Variants in SPECC1L observed in about 807,000 individuals in gnomAD.
The protein encoded by SPECC1L is cytospin-A.
SPECC1L carries 40 observed loss-of-function variants against 116.8 expected under a neutral mutation model. The ratio of observed to expected loss-of-function variants is 0.34; its 90% CI spans 0.27 to 0.45. The LOEUF (loss-of-function observed/expected upper bound fraction) is 0.45, where lower values mean the gene tolerates loss of function less well. SPECC1L is among the 20% of genes least tolerant of loss of function. The pLI is 1.00. For missense variants in SPECC1L, 1,110 were observed against 1,373.6 expected (o/e 0.81, Z 3.03); for synonymous variants, 504 against 500.6 (o/e 1.01, Z -0.09).
At chr22:24,389,554 CTT>C (rs989888323) in intron 14 of SPECC1L, among the ~76,000 whole-genome samples, 1 of 150,554 alleles carries the variant, frequency 6.6e-6, no homozygotes, top group Non-Finnish European at 1.5e-5. Context: ...CTATCTACCT[CTT>C]TGCTCTACTG....
At chr22:24,282,733 T>G (rs1423749739) in intron 2 of SPECC1L, among the ~76,000 whole-genome samples, 2 of 152,132 alleles carry the variant, frequency 1.3e-5, no homozygotes, top group African/African-American at 4.8e-5. Flanking sequence ...ATCATACAGC[T>G]TTTCTGTTTT....
intron 4 of SPECC1L, among the ~76,000 whole-genome samples, chr22:24,316,349 G>T (rs2146452242): frequency 6.6e-6 from 1 of 150,518 alleles, no homozygotes; most frequent in South Asian, 2.1e-4. Context: ...AGGGTCACAG[G>T]ACAATAGTGG....
At chr22:24,350,610 C>T (rs966904079) in intron 11 of SPECC1L, among the ~76,000 whole-genome samples, 2 of 152,174 alleles carry the variant, frequency 1.3e-5, no homozygotes, top group African/African-American at 2.4e-5. Flanking sequence ...TTTTGCTTAG[C>T]TGCCAGCAAA....
intron 13 of SPECC1L, among the ~76,000 whole-genome samples, chr22:24,366,946 C>A (rs2041780151): frequency 6.6e-6 from 1 of 152,148 alleles, no homozygotes; most frequent in African/African-American, 2.4e-5. Context: ...GTAATCCCAG[C>A]ACTCTGGGAG....
At chr22:24,326,651 A>G (rs962829237) in intron 6 of SPECC1L, among the ~76,000 whole-genome samples, 3 of 152,220 alleles carry the variant, frequency 2.0e-5, no homozygotes, top group Non-Finnish European at 2.9e-5. Flanking sequence ...GATGAAGATT[A>G]TATCTTTCCT....
chr22:24,347,233 C>A, intron 11 of SPECC1L, 57 bp downstream of exon 11: 1 of 1,347,334 alleles, frequency 7.4e-7, no homozygotes, highest in Non-Finnish European at 1.1e-6. Flanking sequence ...ATTGTTCTGG[C>A]TTTTTTGGCA....
chr22:24,320,907 G>A (rs2040708725), intron 4 of SPECC1L, among the ~76,000 whole-genome samples: 1 of 152,122 alleles, frequency 6.6e-6, no homozygotes. Context: ...GGCTAATCCT[G>A]GAGTCATCTT....
chr22:24,331,098 T>C (rs111828741), intron 8 of SPECC1L, among the ~76,000 whole-genome samples: 3,805 of 152,290 alleles, frequency 0.025, 156 homozygotes, highest in South Asian at 0.12. Context: ...ATAGACATCA[T>C]TGGAAACTGA....
chr22:24,274,139 A>G (rs921147292), intron 1 of SPECC1L, among the ~76,000 whole-genome samples: 20 of 152,248 alleles, frequency 1.3e-4, no homozygotes, highest in Non-Finnish European at 1.5e-4. Flanking sequence ...TTAGTACTGA[A>G]TAGACTAGAT....
chr22:24,391,621 C>T (rs758878736), intron 14 of SPECC1L, among the ~76,000 whole-genome samples: 1 of 152,132 alleles, frequency 6.6e-6, no homozygotes, highest in Non-Finnish European at 1.5e-5. Flanking sequence ...GCATTCAGGA[C>T]CGGTACATTT....
chr22:24,279,970 C>T (rs1418267914), intron 2 of SPECC1L, among the ~76,000 whole-genome samples: 1 of 152,210 alleles, frequency 6.6e-6, no homozygotes, highest in East Asian at 1.9e-4. Context: ...CCCCTCATCA[C>T]CTTTTTCTTC....
At chr22:24,279,111 T>C (rs1206292165) in intron 2 of SPECC1L, among the ~76,000 whole-genome samples, 4 of 152,220 alleles carry the variant, frequency 2.6e-5, no homozygotes, top group South Asian at 2.1e-4. Flanking sequence ...GAGTCTTGTT[T>C]TCTCCCTGAG....
chr22:24,354,663 G>A (rs551458637), intron 11 of SPECC1L, among the ~76,000 whole-genome samples: 15 of 151,150 alleles, frequency 9.9e-5, no homozygotes, highest in African/African-American at 3.6e-4. Flanking sequence ...AAGGAGTTCT[G>A]GTTACTCTTT....
At chr22:24,362,061 T>C (rs1413151176) in intron 11 of SPECC1L, among the ~76,000 whole-genome samples, 1 of 152,184 alleles carries the variant, frequency 6.6e-6, no homozygotes, top group Non-Finnish European at 1.5e-5. Context: ...GAGTCTTCAT[T>C]ACATACAAGG....
chr22:24,293,408 G>A (rs1182028910), intron 2 of SPECC1L, among the ~76,000 whole-genome samples: 5 of 152,070 alleles, frequency 3.3e-5, no homozygotes, highest in Non-Finnish European at 4.4e-5. Context: ...AGCCGAGGTC[G>A]TGCCACTGTA....
chr22:24,360,541 A>T (rs921747141), intron 11 of SPECC1L, among the ~76,000 whole-genome samples: 1 of 152,122 alleles, frequency 6.6e-6, no homozygotes, highest in African/African-American at 2.4e-5. Flanking sequence ...TGTATCAGCA[A>T]TACATTTCAT....
intron 11 of SPECC1L, among the ~76,000 whole-genome samples, chr22:24,349,989 C>T (rs5760356): frequency 0.17 from 25,612 of 152,144 alleles, 2,660 homozygotes; most frequent in Admixed American, 0.23. Context: ...TCCAGACCCT[C>T]GCAGCCTGGC....
At position 24,321,526 on chromosome 22, in the gene SPECC1L, G is replaced by T; in HGVS notation, c.546G>T (p.Glu182Asp). The part of the protein sequence containing the change: ...DNQISDRAAL[E>D]AKVKDLLTLA... ...AGATCAGTGACAGAGCTGCTTTGGA[G>T]GCCAAAGTGAAGGATCTTCTCACGC... Residue 182 changes from glutamate to aspartate, a missense_variant, in exon 5 of 17, where the codon GAG (glutamate) becomes GAT (aspartate). Glu to Asp is a conservative substitution (Grantham distance 45, BLOSUM62 2). Around this residue, in one of 4 missense-constraint regions of SPECC1L, gnomAD observed 437 missense variants for 482.6 expected, o/e 0.91. Coordinates refer to ENST00000314328, the MANE Select transcript of SPECC1L (RefSeq NM_015330.6). 4 of 1,614,206 alleles carry T rather than the reference G, an allele frequency of 2.5e-6. No homozygotes were observed. Among genetic ancestry groups the T allele is most frequent in the Non-Finnish European group, 2.5e-6 (3 of 1,180,050 alleles).
At chr22:24,353,220 T>A (rs1255639347) in intron 11 of SPECC1L, among the ~76,000 whole-genome samples, 1 of 152,220 alleles carries the variant, frequency 6.6e-6, no homozygotes, top group Non-Finnish European at 1.5e-5. Flanking sequence ...TGTCCTTTTT[T>A]AATTCTAGAA....
Sources: allele counts gnomAD v4.1 joint callset (sites outside exome capture counted in the v4.1 genomes callset), GRCh38; gene constraint gnomAD v4.1.1; regional missense constraint gnomAD v4.1.1; transcripts MANE v1.5; gene names NCBI Gene and HGNC (gene_info 2026-07-23, HGNC 2026-07-21).